The following LINGO2 variants were observed in gnomAD, a reference collection of about 807,000 sequenced individuals.
LINGO2 encodes leucine-rich repeat and immunoglobulin-like domain-containing nogo receptor-interacting protein 2.
LINGO2 carries 14 observed loss-of-function variants against 30.6 expected under a neutral mutation model. That is an observed-to-expected ratio of 0.46 (90% confidence interval 0.30 to 0.72). LINGO2 has a LOEUF of 0.72. Among genes scored for constraint, LINGO2 ranks in the 30% least tolerant of loss-of-function variants. The probability of loss-of-function intolerance (pLI) is 0.07; values close to 1 mark genes in which losing one functional copy is unlikely to be tolerated. For synonymous variants in LINGO2, 317 were observed against 288.5 expected, an observed-to-expected ratio of 1.10 and a Z score of -1.00; for missense variants, 729 against 751.7, an observed-to-expected ratio of 0.97 and a Z score of 0.35.
the LINGO2 span, among the ~76,000 whole-genome samples, chr9:28,837,198 T>C: frequency 1.3e-5 from 2 of 152,172 alleles, no homozygotes; most frequent in African/African-American, 2.4e-5. Context: ...ATCAGAAAGT[T>C]ATACATCTAA....
chr9:28,157,493 A>C (rs1433577589), intron 4 of LINGO2, among the ~76,000 whole-genome samples: 1 of 152,198 alleles, frequency 6.6e-6, no homozygotes, highest in Non-Finnish European at 1.5e-5. Flanking sequence ...AAGGCCTCTG[A>C]CGTGCCCTGG....
At chr9:28,198,257 A>C (rs78417838) in intron 4 of LINGO2, among the ~76,000 whole-genome samples, 12,577 of 151,852 alleles carry the variant, frequency 0.083, 695 homozygotes, top group East Asian at 0.2. Context: ...ATGAAAAAAA[A>C]AAACAAACTC....
the LINGO2 span, among the ~76,000 whole-genome samples, chr9:29,101,383 G>C: frequency 1.3e-5 from 2 of 152,162 alleles, no homozygotes; most frequent in Non-Finnish European, 2.9e-5. Context: ...AGGAATCATA[G>C]ACATACAAAT....
intron 2 of LINGO2, among the ~76,000 whole-genome samples, chr9:28,380,137 T>C (rs1027638959): frequency 1.3e-5 from 2 of 152,116 alleles, no homozygotes; most frequent in Non-Finnish European, 2.9e-5. Flanking sequence ...ACAATCTATT[T>C]ACAGGAAAAG....
At chr9:28,561,134 ACCC>A (rs1395344268) in intron 1 of LINGO2, among the ~76,000 whole-genome samples, 1 of 152,012 alleles carries the variant, frequency 6.6e-6, no homozygotes, top group Non-Finnish European at 1.5e-5. Flanking sequence ...ACTTATCAGT[ACCC>A]TTATGTTTTT....
intron 4 of LINGO2, among the ~76,000 whole-genome samples, chr9:28,029,767 A>G (rs932006419): frequency 6.6e-6 from 1 of 152,170 alleles, no homozygotes; most frequent in Non-Finnish European, 1.5e-5. Context: ...TATATAAAAT[A>G]ACATGTGGGA....
the LINGO2 span, among the ~76,000 whole-genome samples, chr9:28,713,131 T>C: frequency 6.6e-6 from 1 of 152,180 alleles, no homozygotes; most frequent in South Asian, 2.1e-4. Context: ...CCTAAAGTGC[T>C]GCGATTACAG....
intron 3 of LINGO2, among the ~76,000 whole-genome samples, chr9:28,352,197 GA>G (rs1466678185): frequency 1.3e-5 from 2 of 152,026 alleles, no homozygotes; most frequent in Non-Finnish European, 2.9e-5. Context: ...GTTAGGAAAA[GA>G]GGAAGTCAAA....
chr9:28,614,046 TG>T (rs1328604552), intron 1 of LINGO2, among the ~76,000 whole-genome samples: 2 of 152,180 alleles, frequency 1.3e-5, no homozygotes, highest in Non-Finnish European at 2.9e-5. Flanking sequence ...TTATGCCATA[TG>T]GTTTACTGAT....
chr9:28,670,125 A>G (rs1828956059), intron 1 of LINGO2, 75 bp downstream of exon 3: 1 of 152,124 alleles, frequency 6.6e-6, no homozygotes, highest in Non-Finnish European at 1.5e-5. Flanking sequence ...TTGGTATAAT[A>G]AAAATAAGTT....
At chr9:29,185,710 T>A in the LINGO2 span, among the ~76,000 whole-genome samples, 3 of 152,162 alleles carry the variant, frequency 2.0e-5, no homozygotes, top group African/African-American at 7.2e-5. Flanking sequence ...GTAGAGTGAA[T>A]TGGGAAAACT....
At chr9:28,421,972 G>A (rs1162219185) in intron 2 of LINGO2, among the ~76,000 whole-genome samples, 1 of 151,968 alleles carries the variant, frequency 6.6e-6, no homozygotes, top group East Asian at 1.9e-4. Context: ...AATGAAGATG[G>A]ACCCTTACCT....
intron 1 of LINGO2, among the ~76,000 whole-genome samples, chr9:28,581,494 T>C (rs1824255779): frequency 1.3e-5 from 2 of 150,946 alleles, no homozygotes; most frequent in Admixed American, 1.3e-4. Context: ...AAGATTCATG[T>C]AAATAATATA....
At chr9:28,681,182 A>T in the LINGO2 span, among the ~76,000 whole-genome samples, 6 of 152,196 alleles carry the variant, frequency 3.9e-5, no homozygotes, top group Non-Finnish European at 8.8e-5. Flanking sequence ...AACTAACTGC[A>T]TGCAACTTAG....
the LINGO2 span, among the ~76,000 whole-genome samples, chr9:29,098,557 G>A: frequency 6.6e-6 from 1 of 151,988 alleles, no homozygotes; most frequent in African/African-American, 2.4e-5. Flanking sequence ...GCAACAGTAT[G>A]TGGAAGTCCC....
chr9:28,003,561 C>T (rs528972693), intron 5 of LINGO2, among the ~76,000 whole-genome samples: 1 of 152,196 alleles, frequency 6.6e-6, no homozygotes, highest in Non-Finnish European at 1.5e-5. Context: ...CGAGTTCATG[C>T]CATTCTTCTC....
chr9:28,994,442 C>T, the LINGO2 span, among the ~76,000 whole-genome samples: 1 of 151,604 alleles, frequency 6.6e-6, no homozygotes, highest in Non-Finnish European at 1.5e-5. Context: ...GGCCATACTG[C>T]CCAAGGTAAT....
the LINGO2 span, among the ~76,000 whole-genome samples, chr9:29,013,126 C>T: frequency 1.3e-5 from 2 of 152,166 alleles, no homozygotes; most frequent in Non-Finnish European, 2.9e-5. Context: ...TGACTGTAAT[C>T]GTTCTCTTAA....
the LINGO2 span, among the ~76,000 whole-genome samples, chr9:28,850,497 A>G: frequency 3.9e-5 from 6 of 151,932 alleles, no homozygotes; most frequent in South Asian, 1.2e-3. Flanking sequence ...TGCACCATGT[A>G]ACTGCTTCTG....
Sources: gnomAD v4.1 joint callset for allele counts (sites outside exome capture counted in the v4.1 genomes callset) on GRCh38, gnomAD v4.1.1 for gene constraint, MANE v1.5 for transcripts, NCBI Gene and HGNC (gene_info 2026-07-23, HGNC 2026-07-21) for gene names.